PCDHA12: variants seen among roughly 807,000 people sequenced by gnomAD.
PCDHA12 encodes the protein protocadherin alpha 12, also known as protocadherin alpha-12.
PCDHA12 carries 44 observed loss-of-function variants against 60.0 expected under a neutral mutation model. The observed-to-expected ratio is 0.73, with a 90% CI of 0.58 to 0.94. The LOEUF is 0.94. Ranked by LOEUF, PCDHA12 falls within the 40% of genes least tolerant of loss-of-function variation. PCDHA12 has a pLI of 0.00. For missense variants in PCDHA12, 1,276 were observed against 1,239.7 expected, an observed-to-expected ratio of 1.03 and a Z score of -0.44; for synonymous variants, 569 against 553.0, an observed-to-expected ratio of 1.03 and a Z score of -0.40.
chr5:140,927,748 G>A lies in PCDHA12; in HGVS notation c.2367+49909G>A, dbSNP rs782605586. Reference sequence around the variant, plus strand: ...AGCAGAGCTGCGACACCGCTTTCACGTGCACCCTAAAAGTGGGGAGGTGCA... The same window carrying A: ...AGCAGAGCTGCGACACCGCTTTCACATGCACCCTAAAAGTGGGGAGGTGCA... On this transcript the variant is annotated intron_variant, in intron 1 of 3. Transcript: ENST00000398631. 53 of 1,614,088 alleles carry A rather than the reference G, an allele frequency of 3.3e-5. No homozygotes were observed. The South Asian group carries it at 5.7e-4, about 17-fold the overall frequency.
chr5:140,899,464 T>A (rs1357482231), intron 1 of PCDHA12, among the ~76,000 whole-genome samples: 22 of 152,226 alleles, frequency 1.4e-4, no homozygotes, highest in Admixed American at 2.0e-4. Context: ...GGTTTTTGTC[T>A]TTGGTTCTGT....
intron 3 of PCDHA12, among the ~76,000 whole-genome samples, chr5:140,997,092 A>C (rs2097758868): frequency 6.6e-6 from 1 of 152,160 alleles, no homozygotes; most frequent in South Asian, 2.1e-4. Flanking sequence ...GAAAGTGCAG[A>C]GTTCTCATGC....
At chr5:140,960,551 G>T (rs2095555454) in intron 1 of PCDHA12, among the ~76,000 whole-genome samples, 1 of 152,102 alleles carries the variant, frequency 6.6e-6, no homozygotes, top group Admixed American at 6.5e-5. Flanking sequence ...CCTTCATATA[G>T]ACTGAGCTTA....
chr5:140,966,946 C>G (rs377699694), intron 1 of PCDHA12: 3 of 1,603,368 alleles, frequency 1.9e-6, no homozygotes, highest in African/African-American at 2.7e-5. Context: ...TCGTGGGCAA[C>G]GTGGCTCGCG....
chr5:140,918,153 C>A (rs1554198452), intron 1 of PCDHA12, among the ~76,000 whole-genome samples: 2 of 152,036 alleles, frequency 1.3e-5, no homozygotes, highest in African/African-American at 2.4e-5. Flanking sequence ...TTGTGTATGT[C>A]TATTGTAAAT....
At chr5:140,956,200 GA>G (rs1385482287) in intron 1 of PCDHA12, among the ~76,000 whole-genome samples, 1 of 152,152 alleles carries the variant, frequency 6.6e-6, no homozygotes, top group Non-Finnish European at 1.5e-5. Flanking sequence ...TAGGAGTGGT[GA>G]AAGAGGGCAT....
chr5:140,960,919 A>G (rs542740686), intron 1 of PCDHA12, among the ~76,000 whole-genome samples: 1 of 152,334 alleles, frequency 6.6e-6, no homozygotes, highest in Non-Finnish European at 1.5e-5. Flanking sequence ...CAGATAGAAA[A>G]TTGGTACTAA....
At chr5:140,895,103 T>C (rs1459301220) in intron 1 of PCDHA12, among the ~76,000 whole-genome samples, 3 of 152,204 alleles carry the variant, frequency 2.0e-5, no homozygotes, top group Non-Finnish European at 4.4e-5. Flanking sequence ...GGGTTTTTGC[T>C]ACAAGAAGAC....
chr5:140,898,999 A>G (rs2067088188), intron 1 of PCDHA12, among the ~76,000 whole-genome samples: 2 of 151,690 alleles, frequency 1.3e-5, no homozygotes, highest in African/African-American at 4.8e-5. Context: ...TTTGTCTGTT[A>G]TTGGTGTATA....
In PCDHA12 at chr5:140,882,159, T is replaced by C. The variant is rs1017946710; in HGVS notation, c.2367+4320T>C. 76 of 1,509,284 alleles carry C rather than the reference T, an allele frequency of 5.0e-5. No individual in the cohort carries two copies. The African/African-American group carries it at 8.9e-4, about 18-fold the overall frequency. 93.5% of individuals were successfully genotyped at this position (1,509,284 alleles called of 1,614,324 possible). On this transcript the variant is annotated intron_variant, in intron 1 of 3. Transcript: ENST00000398631. ...AAAATATAGCAGAAAGCGGAATACC[T>C]CTTGCGAATCCTTCCGCACTAGGAA...
intron 1 of PCDHA12, among the ~76,000 whole-genome samples, chr5:140,938,520 A>G (rs1240941217): frequency 6.6e-6 from 1 of 150,896 alleles, no homozygotes; most frequent in African/African-American, 2.4e-5. Context: ...ATTTTCTGTT[A>G]TTGAATGGAT....
chr5:140,939,900 A>G (rs916984176), intron 1 of PCDHA12, among the ~76,000 whole-genome samples: 5 of 152,150 alleles, frequency 3.3e-5, no homozygotes, highest in Admixed American at 3.3e-4. Flanking sequence ...AATATTCTGC[A>G]TTCTTTTTTA....
chr5:140,938,176 G>A (rs1554212021), intron 1 of PCDHA12, among the ~76,000 whole-genome samples: 1 of 152,088 alleles, frequency 6.6e-6, no homozygotes, highest in Non-Finnish European at 1.5e-5. Flanking sequence ...GAGCTCCTGG[G>A]CTCAAGCAAT....
At chr5:140,914,297 G>A (rs1371976850) in intron 1 of PCDHA12, among the ~76,000 whole-genome samples, 2 of 152,056 alleles carry the variant, frequency 1.3e-5, no homozygotes, top group African/African-American at 4.8e-5. Flanking sequence ...ATATCCTCTT[G>A]CTGAATTGAC....
chr5:140,938,957 C>T (rs1435245997), intron 1 of PCDHA12, among the ~76,000 whole-genome samples: 2 of 152,040 alleles, frequency 1.3e-5, no homozygotes, highest in African/African-American at 2.4e-5. Context: ...ATGCTCTAGT[C>T]GGAGTTTGGC....
chr5:140,882,218 G>A, intron 1 of PCDHA12: 5 of 1,545,760 alleles, frequency 3.2e-6, no homozygotes, highest in Non-Finnish European at 4.4e-6. Flanking sequence ...GACAGTTTGA[G>A]GTAAGGCGTT....
chr5:140,999,132 T>C (rs1430473415), intron 3 of PCDHA12, among the ~76,000 whole-genome samples: 2 of 152,160 alleles, frequency 1.3e-5, no homozygotes, highest in Non-Finnish European at 2.9e-5. Flanking sequence ...CTGGAAAATG[T>C]CACAGCCGGA....
intron 3 of PCDHA12, among the ~76,000 whole-genome samples, chr5:140,991,572 G>A (rs782016422): frequency 1.3e-4 from 20 of 152,144 alleles, no homozygotes; most frequent in Non-Finnish European, 2.9e-4. Flanking sequence ...TCCAATAACA[G>A]GCTCCTTATT....
At chr5:140,918,036 C>G (rs1423930397) in intron 1 of PCDHA12, among the ~76,000 whole-genome samples, 1 of 152,036 alleles carries the variant, frequency 6.6e-6, no homozygotes, top group Non-Finnish European at 1.5e-5. Flanking sequence ...CGTGGAAGGT[C>G]TTTCCATTTG....
Sources: allele counts gnomAD v4.1 joint callset (sites outside exome capture counted in the v4.1 genomes callset), GRCh38; gene constraint gnomAD v4.1.1; transcripts MANE v1.5; gene names NCBI Gene and HGNC (gene_info 2026-07-23, HGNC 2026-07-21).